LAMC1: variants seen among roughly 807,000 people sequenced by gnomAD.
LAMC1 encodes the protein laminin subunit gamma-1.
Under a neutral mutation model 173.6 loss-of-function variants are expected in LAMC1, and 38 were observed. The ratio of observed to expected loss-of-function variants is 0.22; its 90% CI spans 0.17 to 0.29. The LOEUF (loss-of-function observed/expected upper bound fraction) is 0.29. Among genes scored for constraint, LAMC1 ranks in the 10% least tolerant of loss-of-function variants. The pLI is 1.00. For missense variants in LAMC1, 1,824 were observed against 2,051.8 expected, an observed-to-expected ratio of 0.89 and a Z score of 2.14; for synonymous variants, 746 against 749.1, an observed-to-expected ratio of 1.00 and a Z score of 0.07.
intron 26 of LAMC1, chr1:183,138,320 A>G (rs766186039): frequency 1.1e-4 from 41 of 373,212 alleles, no homozygotes; most frequent in Non-Finnish European, 1.4e-4. Flanking sequence ...TGTGTATGCA[A>G]GGTACTATTT....
rs1262440176 is a variant in LAMC1, at chr1:183,143,139, CT to C, written c.*350del. The C allele has an allele frequency of 4.6e-5, 9 of 196,344 alleles. No homozygotes were observed. Among genetic ancestry groups the C allele is most frequent in the African/African-American group, 7.0e-5 (3 of 42,996 alleles). The allele number at this position is 196,344 out of a possible 1,614,324, so 12.2% of individuals were successfully genotyped here. ...CTGGGGTAGAGCAAGTAGCCCTCCC[CT>C]GTCTCATCGATACCAGCAGAACCTC... On this transcript the variant is annotated 3_prime_UTR_variant, in exon 28 of 28. Coordinates refer to ENST00000258341, the MANE Select transcript of LAMC1 (RefSeq NM_002293.4).
rs1274737693 is a variant in LAMC1, at chr1:183,125,485, T to C, written c.2736T>C (p.Thr912=). The part of the protein sequence containing the change: ...TGQCECLPHV[T]GQDCGACDPG... ...AGTGTGAATGTTTGCCTCACGTGACTGGCCAGGACTGTGGTGCTTGTGACC... is the reference window on the plus strand; with the variant it reads ...AGTGTGAATGTTTGCCTCACGTGACCGGCCAGGACTGTGGTGCTTGTGACC... Residue 912 remains threonine (T), a synonymous_variant, in exon 15 of 28, where the codon ACT becomes ACC. Transcript: ENST00000258341. 2 of 1,613,742 alleles carry C rather than the reference T, an allele frequency of 1.2e-6. No individual in the cohort carries two copies. The highest frequency in any genetic ancestry group is 1.7e-5 in the Admixed American group (1 of 59,994).
chr1:183,033,348 G>C (rs4652767), intron 1 of LAMC1, among the ~76,000 whole-genome samples: 75,777 of 151,992 alleles, frequency 0.5, 19,604 homozygotes, highest in South Asian at 0.64. Context: ...TGGGAAACCT[G>C]GGGAAGAGCT....
chr1:183,079,346 C>T (rs1571426427), intron 1 of LAMC1, among the ~76,000 whole-genome samples: 1 of 137,892 alleles, frequency 7.3e-6, no homozygotes, highest in East Asian at 2.4e-4. Flanking sequence ...CCTCCACTTG[C>T]CAGGTTCAAG....
chr1:183,067,963 T>C (rs1654918884), intron 1 of LAMC1, among the ~76,000 whole-genome samples: 1 of 152,144 alleles, frequency 6.6e-6, no homozygotes, highest in African/African-American at 2.4e-5. Flanking sequence ...CTTAACCATT[T>C]ATAGTTGTTG....
At chr1:183,085,377 T>C (rs949256766) in intron 1 of LAMC1, among the ~76,000 whole-genome samples, 1 of 152,114 alleles carries the variant, frequency 6.6e-6, no homozygotes, top group Non-Finnish European at 1.5e-5. Flanking sequence ...TTGTTTTGTT[T>C]TTTGAGTCAG....
In LAMC1 at chr1:183,134,780, C is replaced by A; in HGVS notation, c.3970C>A (p.Leu1324Ile). The change falls in exon 23 of 28, where the codon CTT becomes ATT. Residue 1324 changes from leucine (L) to isoleucine (I), a missense_variant. Coordinates refer to ENST00000258341, the MANE Select transcript of LAMC1 (RefSeq NM_002293.4). ...MRGKELEVKN[L>I]LEKGKTEQQT... is the part of the protein sequence containing the mutation. ...AGGGAAGGAACTTGAAGTCAAGAACCTTCTGGAGAAAGGCAAGACTGAACA... is the reference window on the plus strand; with the variant it reads ...AGGGAAGGAACTTGAAGTCAAGAACATTCTGGAGAAAGGCAAGACTGAACA... The A allele has an allele frequency of 6.2e-7, 1 of 1,613,360 alleles. No individual in the cohort carries two copies.
At position 183,117,378 on chromosome 1, in the gene LAMC1, C is replaced by T. The variant is rs1348024340; in HGVS notation, c.1623C>T (p.Ser541=). The change falls in exon 9 of 28, where the codon TCC becomes TCT. Residue 541 remains serine (S), a synonymous_variant. Coordinates refer to ENST00000258341, the MANE Select transcript of LAMC1 (RefSeq NM_002293.4). ...GCTCTGAAGCATCTCTCGAGTGGTC[C>T]TCTGAGAGGCAAGATATCGCCGTGA... is the stretch of plus-strand genomic sequence containing the variant. ...RDGSEASLEW[S]SERQDIAVIS... is the part of the protein sequence containing the mutation. 1.9e-6 allele frequency: 3 copies of T among 1,613,810 alleles called. No individual in the cohort carries two copies. Among genetic ancestry groups the T allele is most frequent in the South Asian group, 1.1e-5 (1 of 91,066 alleles).
intron 1 of LAMC1, among the ~76,000 whole-genome samples, chr1:183,092,691 C>G (rs1655595306): frequency 1.3e-5 from 2 of 152,142 alleles, no homozygotes; most frequent in South Asian, 4.1e-4. Flanking sequence ...AGTCTGGATA[C>G]TTACAGTGAT....
chr1:183,133,463 TGAG>T lies in LAMC1; in HGVS notation c.3767_3769del (p.Glu1256del). ...TGGAAAAACAAGCTGCCCGAGTACA[TGAG>T]GAGGCCAAAAGGGCCGGTGACAAAG... On this transcript the variant is annotated inframe_deletion, in exon 22 of 28. Coordinates refer to ENST00000258341, the MANE Select transcript of LAMC1 (RefSeq NM_002293.4). 1.2e-6 allele frequency: 2 copies of T among 1,614,010 alleles called. No homozygotes were observed. The highest frequency in any genetic ancestry group is 1.7e-6 in the Non-Finnish European group (2 of 1,179,946).
At chr1:183,117,256 T>C in intron 8 of LAMC1, 64 bp from the exon 9 acceptor site, 1 of 1,537,562 alleles carries the variant, frequency 6.5e-7, no homozygotes, top group Non-Finnish European at 8.8e-7. Flanking sequence ...TTATGATACA[T>C]AGAGGACCTG....
rs369232328 is a variant in LAMC1, at chr1:183,140,487, C to A, written c.4557C>A (p.Asp1519Glu). The change falls in exon 27 of 28, where the codon GAC becomes GAA. Residue 1519 changes from aspartate (D) to glutamate (E), a missense_variant. Coordinates refer to ENST00000258341, the MANE Select transcript of LAMC1 (RefSeq NM_002293.4). ...SVTSLLSIIN[D>E]LLEQLGQLDT... The stretch of plus-strand genomic sequence containing the variant: ...CTAGCCTCCTCAGCATTATTAATGA[C>A]CTCTTGGAGCAGCTGGGTACGTAGC... 2 of 1,612,116 alleles carry A rather than the reference C, an allele frequency of 1.2e-6. No homozygotes were observed. The highest frequency in any genetic ancestry group is 1.7e-6 in the Non-Finnish European group (2 of 1,178,566).
intron 1 of LAMC1, among the ~76,000 whole-genome samples, chr1:183,080,757 A>G (rs1397300699): frequency 6.6e-6 from 1 of 151,796 alleles, no homozygotes; most frequent in East Asian, 1.9e-4. Flanking sequence ...ACTGTGTGGT[A>G]AGGTTTTAGT....
intron 6 of LAMC1, among the ~76,000 whole-genome samples, chr1:183,116,094 C>T (rs930478193): frequency 6.7e-6 from 1 of 149,440 alleles, no homozygotes; most frequent in Non-Finnish European, 1.5e-5. Flanking sequence ...CGCGCCACTG[C>T]ACTCCAGCGT....
intron 4 of LAMC1, among the ~76,000 whole-genome samples, chr1:183,111,480 GCTT>G (rs937245939): frequency 1.3e-5 from 2 of 152,044 alleles, no homozygotes; most frequent in Non-Finnish European, 2.9e-5. Context: ...GAGGTGGGTA[GCTT>G]TGGGAAGAAG....
At position 183,117,396 on chromosome 1, in the gene LAMC1, C is replaced by A. The variant is rs760450007; in HGVS notation, c.1641C>A (p.Ile547=). The change falls in exon 9 of 28, where the codon ATC becomes ATA. Residue 547 remains isoleucine (I), a synonymous_variant. Transcript: ENST00000258341. ...SLEWSSERQD[I]AVISDSYFPR... The stretch of plus-strand genomic sequence containing the variant: ...AGTGGTCCTCTGAGAGGCAAGATAT[C>A]GCCGTGATCTCAGACAGCTACTTTC... 3.1e-6 allele frequency: 5 copies of A among 1,613,840 alleles called. No individual in the cohort carries two copies. In the Admixed American group the frequency reaches 5.0e-5, roughly 16 times the overall value.
intron 1 of LAMC1, among the ~76,000 whole-genome samples, chr1:183,079,231 G>GTTTTTTTTTT (rs1262239438): frequency 1.0e-5 from 1 of 95,620 alleles, no homozygotes; most frequent in African/African-American, 4.0e-5. Flanking sequence ...TCTCTAATCT[G>GTTTTTTTTTT]GTTTTTTTTT....
Position 183,142,611 on chromosome 1 carries a change from G to A in LAMC1, c.4651G>A (p.Val1551Ile), listed in dbSNP as rs373219094. Reference sequence around the variant, plus strand: ...AAACAAAGCCAAAGATGAAATGAAGGTCAGCGATCTTGATAGGAAAGTGTC... The same window carrying A: ...AAACAAAGCCAAAGATGAAATGAAGATCAGCGATCTTGATAGGAAAGTGTC... ...TLNKAKDEMKVSDLDRKVSDL... is the reference protein window; with the variant it reads ...TLNKAKDEMKISDLDRKVSDL... The change falls in exon 28 of 28, where the codon GTC (valine) becomes ATC (isoleucine). Residue 1551 changes from valine (V) to isoleucine (I), a missense_variant. Physicochemically the swap from Val to Ile is conservative, Grantham distance 29 (BLOSUM62 3). Transcript: ENST00000258341. 1.9e-6 allele frequency: 3 copies of A among 1,614,074 alleles called. No homozygotes were observed. The African/African-American group carries it at 4.0e-5, about 22-fold the overall frequency.
chr1:183,030,994 A>G (rs989383275), intron 1 of LAMC1, among the ~76,000 whole-genome samples: 2 of 152,176 alleles, frequency 1.3e-5, no homozygotes, highest in Non-Finnish European at 2.9e-5. Context: ...CCCTATCTCA[A>G]AAATTAAATA....
Sources: allele counts gnomAD v4.1 joint callset (sites outside exome capture counted in the v4.1 genomes callset), GRCh38; gene constraint gnomAD v4.1.1; transcripts MANE v1.5; gene names NCBI Gene and HGNC (gene_info 2026-07-23, HGNC 2026-07-21).